RPF1: variants seen among roughly 807,000 people sequenced by gnomAD.
RPF1 encodes the protein ribosome production factor 1.
Under a neutral mutation model 41.9 loss-of-function variants are expected in RPF1, and 34 were observed. That is an observed-to-expected ratio of 0.81 (90% CI 0.62 to 1.08). The LOEUF is 1.08. RPF1 is among the 50% of genes least tolerant of loss of function. The pLI is 0.00. For missense variants in RPF1, 425 were observed against 435.2 expected, an observed-to-expected ratio of 0.98 and a Z score of 0.21; for synonymous variants, 140 against 148.9, an observed-to-expected ratio of 0.94 and a Z score of 0.43.
chr1:84,482,215 A>T (rs954053366), intron 2 of RPF1, among the ~76,000 whole-genome samples: 7 of 152,220 alleles, frequency 4.6e-5, no homozygotes, highest in African/African-American at 1.2e-4. Flanking sequence ...ATTTTGAATT[A>T]GTTTTAATGT....
intron 2 of RPF1, 37 bp downstream of exon 2, chr1:84,481,049 T>C (rs2101881470): frequency 2.5e-6 from 3 of 1,177,682 alleles, no homozygotes; most frequent in Non-Finnish European, 3.7e-6. Context: ...TTCTATCTTA[T>C]ATTAGGGAAT....
At chr1:84,495,752 T>C in intron 6 of RPF1, 130 bp from the exon 7 acceptor site, 1 of 599,990 alleles carries the variant, frequency 1.7e-6, no homozygotes, top group Non-Finnish European at 2.9e-6. Flanking sequence ...ATAAGCCATC[T>C]GTGGTAGTTT....
intron 5 of RPF1, 81 bp downstream of exon 5, chr1:84,490,553 A>G (rs1445756216): frequency 2.1e-6 from 2 of 970,204 alleles, no homozygotes; most frequent in African/African-American, 3.4e-5. Context: ...ATAAGGAAAT[A>G]TTGCCTATAA....
chr1:84,491,741 G>A (rs1392069167), intron 5 of RPF1, among the ~76,000 whole-genome samples: 1 of 152,014 alleles, frequency 6.6e-6, no homozygotes, highest in East Asian at 1.9e-4. Flanking sequence ...ATCACTTTGA[G>A]GCCACTAGTA....
chr1:84,489,777 C>A (rs774710696), intron 4 of RPF1, 49 bp downstream of exon 4: 10 of 1,066,092 alleles, frequency 9.4e-6, no homozygotes, highest in Admixed American at 3.5e-5. Context: ...TTTCTTATTA[C>A]TTCTATTTAA....
intron 2 of RPF1, among the ~76,000 whole-genome samples, chr1:84,482,482 A>G (rs6684882): frequency 0.19 from 29,132 of 152,172 alleles, 4,317 homozygotes; most frequent in African/African-American, 0.41. Context: ...TAAAATTACT[A>G]GGTCAATGGA....
Position 84,490,492 on chromosome 1 carries a change from G to A in RPF1, c.616+20G>A, listed in dbSNP as rs1558543487. On this transcript the variant is annotated intron_variant, in intron 5 of 8. Coordinates refer to ENST00000370654, the MANE Select transcript of RPF1 (RefSeq NM_025065.7). ...CCCCAAGTATCCTTTTTTTTTTTAA[G>A]GAGGTTTTCCTGTCCTCTCCCTCAC... 1 of 1,500,878 alleles carries A rather than the reference G, an allele frequency of 6.7e-7. No individual in the cohort carries two copies. The allele number at this position is 1,500,878 out of a possible 1,614,324, so 93.0% of individuals were successfully genotyped here. A position where few individuals can be genotyped will look rare whatever the true frequency, so the allele number is the denominator to read the frequency against.
intron 5 of RPF1, 58 bp downstream of exon 5, chr1:84,490,530 T>C: frequency 8.2e-7 from 1 of 1,222,082 alleles, no homozygotes; most frequent in Non-Finnish European, 1.1e-6. Flanking sequence ...CCCTTAAAAA[T>C]ATATTTAAAA....
At chr1:84,494,932 C>T (rs1002868020) in intron 5 of RPF1, among the ~76,000 whole-genome samples, 2 of 152,096 alleles carry the variant, frequency 1.3e-5, no homozygotes, top group African/African-American at 2.4e-5. Flanking sequence ...GACAGCATAT[C>T]GTGACCATAC....
At chr1:84,481,150 A>G (rs1681640589) in intron 2 of RPF1, 138 bp downstream of exon 2, 2 of 529,190 alleles carry the variant, frequency 3.8e-6, no homozygotes, top group Admixed American at 3.6e-5. Context: ...AATATAATAA[A>G]CCTCTTTGTA....
At chr1:84,493,397 A>G (rs985829506) in intron 5 of RPF1, among the ~76,000 whole-genome samples, 18 of 151,156 alleles carry the variant, frequency 1.2e-4, no homozygotes, top group African/African-American at 3.9e-4. Flanking sequence ...AGGCAGGTGG[A>G]TCGCTTGAGA....
At chr1:84,496,964 C>G (rs991175632) in intron 8 of RPF1, among the ~76,000 whole-genome samples, 11 of 151,868 alleles carry the variant, frequency 7.2e-5, no homozygotes, top group African/African-American at 2.7e-4. Context: ...CTCCACCTCC[C>G]GGGTTCAAGC....
intron 3 of RPF1, among the ~76,000 whole-genome samples, chr1:84,487,741 GA>G (rs1363320898): frequency 6.6e-6 from 1 of 151,958 alleles, no homozygotes; most frequent in East Asian, 1.9e-4. Flanking sequence ...TGATTGTCAG[GA>G]ATTGTTTTCT....
chr1:84,479,509 G>C lies in RPF1; in HGVS notation c.228G>C (p.Lys76Asn). 1.2e-6 allele frequency: 2 copies of C among 1,613,584 alleles called. No homozygotes were observed. The highest frequency in any genetic ancestry group is 2.2e-5 in the East Asian group (1 of 44,868). ...CGCGGTGGAAACAGCAGCAGCGGAA[G>C]GTACGCGAGAGGCGGGGGCTGCCGG... ...MFTRWKQQQRKEKLAAKKKLK... is the reference protein window; with the variant it reads ...MFTRWKQQQRNEKLAAKKKLK... The change falls in exon 1 of 9, where the codon AAG becomes AAC. Residue 76 changes from lysine to asparagine, a missense_variant and splice_region_variant. Lys to Asn is a moderately conservative substitution (Grantham distance 94, BLOSUM62 0). Coordinates refer to ENST00000370654, the MANE Select transcript of RPF1 (RefSeq NM_025065.7).
chr1:84,496,207 C>T, intron 7 of RPF1, 37 bp from the exon 8 acceptor site: 1 of 1,580,888 alleles, frequency 6.3e-7, no homozygotes, highest in Non-Finnish European at 8.6e-7. Context: ...TAAACAATAG[C>T]TCATTCAGAC....
chr1:84,484,352 C>T (rs891380670), intron 3 of RPF1, among the ~76,000 whole-genome samples: 7 of 151,726 alleles, frequency 4.6e-5, no homozygotes, highest in Non-Finnish European at 8.8e-5. Context: ...CAAAATCAGA[C>T]ATTGATATTG....
chr1:84,484,204 A>G (rs572371352), intron 3 of RPF1, among the ~76,000 whole-genome samples: 2 of 152,266 alleles, frequency 1.3e-5, no homozygotes, highest in East Asian at 3.9e-4. Flanking sequence ...ATTATTTCAG[A>G]CTTAATAGAA....
intron 5 of RPF1, among the ~76,000 whole-genome samples, chr1:84,495,057 G>C (rs1490726057): frequency 6.6e-6 from 1 of 151,314 alleles, no homozygotes; most frequent in Non-Finnish European, 1.5e-5. Context: ...ACTCCTAAGA[G>C]TAGTGGTCAA....
At chr1:84,492,504 C>T (rs868205371) in intron 5 of RPF1, among the ~76,000 whole-genome samples, 1 of 152,148 alleles carries the variant, frequency 6.6e-6, no homozygotes, top group Non-Finnish European at 1.5e-5. Context: ...ATTTTAGTCA[C>T]GTTTCTTAGC....
Sources: allele counts gnomAD v4.1 joint callset (sites outside exome capture counted in the v4.1 genomes callset), GRCh38; gene constraint gnomAD v4.1.1; transcripts MANE v1.5; gene names NCBI Gene and HGNC (gene_info 2026-07-23, HGNC 2026-07-21).